The following CCDC148 variants were observed in gnomAD, a reference collection of about 807,000 sequenced individuals.
CCDC148 encodes the protein coiled-coil domain containing 148.
CCDC148 carries 89 observed loss-of-function variants against 85.7 expected under a neutral mutation model. That is an observed-to-expected ratio of 1.04 (90% CI 0.87 to 1.24). The LOEUF (loss-of-function observed/expected upper bound fraction) is 1.24. Among genes scored for constraint, CCDC148 ranks in the 50% most tolerant of loss-of-function variants. CCDC148 has a pLI of 0.00. For missense variants in CCDC148, 692 were observed against 671.7 expected (o/e 1.03, Z -0.33); for synonymous variants, 230 against 213.9 (o/e 1.08, Z -0.66).
chr2:158,455,720 AT>A (rs755295580), intron 1 of CCDC148, among the ~76,000 whole-genome samples: 32 of 152,352 alleles, frequency 2.1e-4, no homozygotes, highest in Non-Finnish European at 3.8e-4. Flanking sequence ...GGCTAGAGCA[AT>A]ATCATCTTTT....
At chr2:158,315,665 TG>T (rs200520825) in intron 7 of CCDC148, among the ~76,000 whole-genome samples, 1,756 of 152,194 alleles carry the variant, frequency 0.012, 16 homozygotes, top group South Asian at 0.033. Context: ...CTTTATTAGA[TG>T]GAATTCCCAT....
At chr2:158,213,958 GAGAGAC>G (rs1686710411) in intron 11 of CCDC148, among the ~76,000 whole-genome samples, 1 of 152,052 alleles carries the variant, frequency 6.6e-6, no homozygotes, top group South Asian at 2.1e-4. Context: ...GCATGCGAAA[GAGAGAC>G]AGTTTAGCTT....
At chr2:158,222,636 A>G (rs1480777149) in intron 10 of CCDC148, among the ~76,000 whole-genome samples, 2 of 152,102 alleles carry the variant, frequency 1.3e-5, no homozygotes, top group Admixed American at 1.3e-4. Context: ...CTGATACCCC[A>G]TGTGCCATTT....
chr2:158,367,335 C>T (rs1371564237), intron 1 of CCDC148, among the ~76,000 whole-genome samples: 1 of 152,172 alleles, frequency 6.6e-6, no homozygotes, highest in Non-Finnish European at 1.5e-5. Context: ...TTCTGCCATC[C>T]ATAGCTTAGC....
intron 8 of CCDC148, 128 bp from the exon 9 acceptor site, chr2:158,309,767 A>C: frequency 1.4e-6 from 1 of 736,012 alleles, no homozygotes; most frequent in Non-Finnish European, 2.2e-6. Context: ...ACAAATATTT[A>C]ATCGTAAATA....
At chr2:158,210,354 A>G (rs1488732110) in intron 11 of CCDC148, among the ~76,000 whole-genome samples, 1 of 152,164 alleles carries the variant, frequency 6.6e-6, no homozygotes, top group African/African-American at 2.4e-5. Context: ...CTCCCACACA[A>G]TAATAGTGGG....
intron 10 of CCDC148, among the ~76,000 whole-genome samples, chr2:158,247,123 A>G (rs1303096750): frequency 6.6e-6 from 1 of 152,182 alleles, no homozygotes; most frequent in Non-Finnish European, 1.5e-5. Context: ...ATAACTACAA[A>G]AAGAAATAGT....
chr2:158,378,015 C>T (rs2105285772), intron 1 of CCDC148, among the ~76,000 whole-genome samples: 1 of 152,166 alleles, frequency 6.6e-6, no homozygotes, highest in Admixed American at 6.5e-5. Context: ...AATAGTACAT[C>T]TTTAACTTAG....
chr2:158,406,708 G>A (rs907487368), intron 1 of CCDC148, among the ~76,000 whole-genome samples: 1 of 137,684 alleles, frequency 7.3e-6, no homozygotes, highest in African/African-American at 2.8e-5. Flanking sequence ...CTGTAACCTC[G>A]ACCTCTCAGA....
At chr2:158,284,322 C>A (rs1690510165) in intron 9 of CCDC148, among the ~76,000 whole-genome samples, 1 of 150,542 alleles carries the variant, frequency 6.6e-6, no homozygotes, top group Non-Finnish European at 1.5e-5. Flanking sequence ...TATTTCAGAC[C>A]AACCTTTCTG....
intron 10 of CCDC148, among the ~76,000 whole-genome samples, chr2:158,248,084 G>A (rs1688641874): frequency 1.3e-5 from 2 of 151,602 alleles, no homozygotes; most frequent in Admixed American, 6.6e-5. Flanking sequence ...CCCACCCCCT[G>A]AAACATAGAC....
intron 9 of CCDC148, among the ~76,000 whole-genome samples, chr2:158,254,711 ATAAGT>A (rs962063609): frequency 2.8e-4 from 42 of 151,756 alleles, no homozygotes; most frequent in African/African-American, 9.6e-4. Flanking sequence ...TTTAATGAAA[ATAAGT>A]TAGGGTTTTA....
intron 9 of CCDC148, among the ~76,000 whole-genome samples, chr2:158,277,840 C>G (rs1000144133): frequency 2.6e-5 from 4 of 152,106 alleles, no homozygotes; most frequent in Admixed American, 6.6e-5. Context: ...TTGTGATCCG[C>G]CCACTTCAGC....
At chr2:158,313,524 G>A (rs1692136215) in intron 8 of CCDC148, among the ~76,000 whole-genome samples, 2 of 151,974 alleles carry the variant, frequency 1.3e-5, no homozygotes, top group African/African-American at 2.4e-5. Flanking sequence ...GCAGCAAGTA[G>A]GCACAGAGAG....
At chr2:158,219,071 C>G (rs556978835) in intron 11 of CCDC148, among the ~76,000 whole-genome samples, 3 of 152,160 alleles carry the variant, frequency 2.0e-5, no homozygotes, top group African/African-American at 7.2e-5. Context: ...AATGGTTATG[C>G]CTTCCAAAAT....
chr2:158,360,461 G>C (rs1167361332), intron 1 of CCDC148, among the ~76,000 whole-genome samples: 3 of 152,148 alleles, frequency 2.0e-5, no homozygotes, highest in Admixed American at 2.0e-4. Context: ...CTGGGACAAA[G>C]CTTCCAGAGG....
intron 11 of CCDC148, among the ~76,000 whole-genome samples, chr2:158,209,372 CTTAAAACTACTTA>C (rs1336351848): frequency 6.6e-6 from 1 of 152,130 alleles, no homozygotes; most frequent in African/African-American, 2.4e-5. Flanking sequence ...TATTTCATTA[CTTAAAACTACTTA>C]GTAAAACTCC....
intron 9 of CCDC148, among the ~76,000 whole-genome samples, chr2:158,277,592 T>C (rs1013683421): frequency 2.6e-5 from 4 of 151,878 alleles, no homozygotes; most frequent in African/African-American, 7.3e-5. Flanking sequence ...GTGAGTTATG[T>C]TTTTTTGTTT....
At chr2:158,277,891 T>C (rs1690035670) in intron 9 of CCDC148, among the ~76,000 whole-genome samples, 1 of 152,158 alleles carries the variant, frequency 6.6e-6, no homozygotes, top group Admixed American at 6.5e-5. Context: ...TTATTTTATA[T>C]ACAAAGAAAC....
Sources: gnomAD v4.1 joint callset for allele counts (sites outside exome capture counted in the v4.1 genomes callset) on GRCh38, gnomAD v4.1.1 for gene constraint, MANE v1.5 for transcripts, NCBI Gene and HGNC (gene_info 2026-07-23, HGNC 2026-07-21) for gene names.